CTBP2: variants seen among roughly 807,000 people sequenced by gnomAD.
The protein encoded by CTBP2 is C-terminal binding protein 2.
CTBP2 carries 30 observed loss-of-function variants against 80.3 expected under a neutral mutation model. That is an observed-to-expected ratio of 0.37 (90% CI 0.28 to 0.51). CTBP2 has a LOEUF of 0.51. Ranked by LOEUF, CTBP2 falls within the 20% of genes least tolerant of loss-of-function variation. The probability of loss-of-function intolerance (pLI) is 0.93; values close to 1 mark genes in which losing one functional copy is unlikely to be tolerated. For missense variants in CTBP2, 1,212 were observed against 1,375.3 expected (o/e 0.88, Z 1.88); for synonymous variants, 594 against 587.4 (o/e 1.01, Z -0.16).
intron 1 of CTBP2, among the ~76,000 whole-genome samples, chr10:125,153,840 T>C (rs1033365038): frequency 6.6e-6 from 1 of 152,226 alleles, no homozygotes; most frequent in African/African-American, 2.4e-5. Flanking sequence ...AAGTTTTTGT[T>C]TGTCCTGGGA....
chr10:125,158,988 G>A (rs937469948), intron 1 of CTBP2, among the ~76,000 whole-genome samples: 10 of 151,676 alleles, frequency 6.6e-5, no homozygotes, highest in African/African-American at 2.4e-4. Flanking sequence ...GCCCCAGGGC[G>A]CGGCGTGGGC....
intron 1 of CTBP2, among the ~76,000 whole-genome samples, chr10:125,134,336 C>A (rs753216028): frequency 6.6e-6 from 1 of 152,188 alleles, no homozygotes; most frequent in South Asian, 2.1e-4. Context: ...CGGAAGCCCC[C>A]CCGCCCCGTG....
chr10:125,129,817 A>C (rs2136116706), intron 1 of CTBP2, among the ~76,000 whole-genome samples: 1 of 152,328 alleles, frequency 6.6e-6, no homozygotes, highest in South Asian at 2.1e-4. Context: ...CCAAGTCTGC[A>C]AACAGCACAC....
chr10:125,122,199 C>G (rs904897298), intron 1 of CTBP2, among the ~76,000 whole-genome samples: 3 of 152,210 alleles, frequency 2.0e-5, no homozygotes, highest in African/African-American at 4.8e-5. Context: ...AACTTACACA[C>G]GTATGTAACT....
At chr10:125,007,999 T>A (rs1955453076) in intron 1 of CTBP2, among the ~76,000 whole-genome samples, 1 of 151,900 alleles carries the variant, frequency 6.6e-6, no homozygotes, top group South Asian at 2.1e-4. Context: ...CAGGCTGGAA[T>A]GCAGTGGCAC....
chr10:125,045,546 A>G (rs2949372), intron 2 of CTBP2, among the ~76,000 whole-genome samples: 93,683 of 151,916 alleles, frequency 0.62, 30,139 homozygotes, highest in African/African-American at 0.8. Context: ...ACAGATTCTC[A>G]CTTTGTTGCC....
chr10:125,065,638 G>A (rs1420051056), intron 2 of CTBP2, among the ~76,000 whole-genome samples: 1 of 152,196 alleles, frequency 6.6e-6, no homozygotes, highest in Admixed American at 6.5e-5. Flanking sequence ...GGGAGGTAAA[G>A]TTAGAGGAGG....
chr10:125,160,551 C>G (rs1591180152), upstream of CTBP2: 1 of 149,516 alleles, frequency 6.7e-6, no homozygotes, highest in East Asian at 2.0e-4. Flanking sequence ...CAGGGACACA[C>G]ACACAAAAAC....
chr10:125,003,108 C>T lies in CTBP2; in HGVS notation c.1834-4G>A, dbSNP rs767975764. 58 of 1,613,744 alleles carry T rather than the reference C, an allele frequency of 3.6e-5. 1 individual carries two copies. The highest frequency in any genetic ancestry group is 2.2e-4 in the East Asian group (10 of 44,886). ...CGCCCACGGCTTCGTTTAGAACCTG[C>T]GTGGGAACAGAGCACAGGGTCGGAG... On this transcript the variant is annotated splice_region_variant and splice_polypyrimidine_tract_variant and intron_variant, in intron 2 of 8. Coordinates refer to ENST00000309035, the MANE Select transcript of CTBP2 (RefSeq NM_022802.3).
intron 8 of CTBP2, among the ~76,000 whole-genome samples, chr10:124,990,670 T>TA (rs989731734): frequency 1.3e-5 from 2 of 152,196 alleles, no homozygotes; most frequent in African/African-American, 4.8e-5. Flanking sequence ...TCCATCCCCC[T>TA]AATTCCAGTT....
intron 4 of CTBP2, chr10:124,996,050 T>TTTG (rs1554952352): frequency 3.6e-5 from 1 of 28,152 alleles, no homozygotes; most frequent in African/African-American, 4.4e-5. Flanking sequence ...ATTTCTTTGT[T>TTTG]TTTTTTTTTT....
intron 1 of CTBP2, among the ~76,000 whole-genome samples, chr10:125,137,149 A>G (rs1198106639): frequency 6.6e-6 from 1 of 152,260 alleles, no homozygotes; most frequent in African/African-American, 2.4e-5. Flanking sequence ...CAAGATACTG[A>G]AAGCACCAAC....
chr10:125,072,985 A>C (rs1475262650), intron 2 of CTBP2, among the ~76,000 whole-genome samples: 1 of 152,242 alleles, frequency 6.6e-6, no homozygotes, highest in Non-Finnish European at 1.5e-5. Context: ...CAATAAATAG[A>C]GATGACAGAA....
chr10:125,140,667 A>G (rs1857652464), intron 1 of CTBP2, among the ~76,000 whole-genome samples: 1 of 151,980 alleles, frequency 6.6e-6, no homozygotes, highest in African/African-American at 2.4e-5. Context: ...TACAAAAAAT[A>G]TAAAAATTAG....
chr10:124,984,850 T>G lies in CTBP2; in HGVS notation c.*4668A>C. The G allele has an allele frequency of 6.2e-7, 1 of 1,613,944 alleles. No individual in the cohort carries two copies. Among genetic ancestry groups the G allele is most frequent in the Non-Finnish European group, 8.5e-7 (1 of 1,179,980 alleles). ...TGTGTGACGGAGGGGGGAGTTCTGG[T>G]TGCCATGCAGAAGAGTTCTCGGCGG... On this transcript the variant is annotated 3_prime_UTR_variant, in exon 9 of 9. Transcript: ENST00000309035.
chr10:124,986,837 T>C lies in CTBP2; in HGVS notation c.*2681A>G, dbSNP rs941359956. The C allele has an allele frequency of 2.0e-5, 3 of 151,980 alleles. No homozygotes were observed. Among genetic ancestry groups the C allele is most frequent in the African/African-American group, 7.3e-5 (3 of 41,260 alleles). 9.4% of individuals were successfully genotyped at this position (151,980 alleles called of 1,614,324 possible). A position where few individuals can be genotyped will look rare whatever the true frequency, so the allele number is the denominator to read the frequency against. On this transcript the variant is annotated 3_prime_UTR_variant, in exon 9 of 9. Coordinates refer to ENST00000309035, the MANE Select transcript of CTBP2 (RefSeq NM_022802.3). ...TCCCAATTGAAAAAGCCAAAGAGAATTGTTAGAGGGAAAAGCATGTAGCCA... is the reference window on the plus strand; with the variant it reads ...TCCCAATTGAAAAAGCCAAAGAGAACTGTTAGAGGGAAAAGCATGTAGCCA...
At chr10:125,085,881 A>C (rs966738076) in intron 2 of CTBP2, among the ~76,000 whole-genome samples, 19 of 152,344 alleles carry the variant, frequency 1.2e-4, no homozygotes, top group Middle Eastern at 3.4e-3. Flanking sequence ...GAAGCTCTCC[A>C]GCAACGCCCA....
intron 1 of CTBP2, among the ~76,000 whole-genome samples, chr10:125,008,566 G>A (rs1955517254): frequency 6.6e-6 from 1 of 152,236 alleles, no homozygotes; most frequent in African/African-American, 2.4e-5. Context: ...CCCTAACACA[G>A]ATGTTGTAAG....
chr10:125,155,307 C>T (rs1292477502), intron 1 of CTBP2, among the ~76,000 whole-genome samples: 6 of 152,302 alleles, frequency 3.9e-5, no homozygotes, highest in Admixed American at 2.6e-4. Context: ...AGAATGAAGG[C>T]GAAACTAGCC....
Sources: allele counts gnomAD v4.1 joint callset (sites outside exome capture counted in the v4.1 genomes callset), GRCh38; gene constraint gnomAD v4.1.1; transcripts MANE v1.5; gene names NCBI Gene and HGNC (gene_info 2026-07-23, HGNC 2026-07-21).